The following GRIK2 variants were observed in gnomAD, a reference collection of about 807,000 sequenced individuals.
GRIK2 encodes the protein glutamate receptor ionotropic, kainate 2.
A neutral mutation model predicts 100.3 loss-of-function variants in GRIK2; 32 were observed. The observed-to-expected ratio is 0.32, with a 90% CI of 0.24 to 0.43. The LOEUF (loss-of-function observed/expected upper bound fraction) is 0.43, where lower values mean the gene tolerates loss of function less well. Among genes scored for constraint, GRIK2 ranks in the 20% least tolerant of loss-of-function variants. The pLI, the probability that GRIK2 is intolerant of heterozygous loss-of-function variation, is 1.00. For synonymous variants in GRIK2, 417 were observed against 389.4 expected (o/e 1.07, Z -0.83); for missense variants, 843 against 1,114.9 (o/e 0.76, Z 3.47).
chr6:101,875,918 T>C (rs1785799889), intron 11 of GRIK2, among the ~76,000 whole-genome samples: 1 of 151,916 alleles, frequency 6.6e-6, no homozygotes, highest in East Asian at 1.9e-4. Flanking sequence ...TTTGCTTTAC[T>C]TGCCATTTAT....
chr6:101,458,680 G>A lies in GRIK2; in HGVS notation c.115+59288G>A, dbSNP rs537697331. The stretch of plus-strand genomic sequence containing the variant: ...CCCAGTCCACCTCTGCTAGACAATC[G>A]TATCTGGTACTAGGACGGCAGCCTC... On this transcript the variant is annotated intron_variant, in intron 2 of 16. Transcript: ENST00000369134. Among the ~76,000 whole-genome samples the A allele has an allele frequency of 2.0e-5, 3 of 152,232 alleles. No individual in the cohort carries two copies. The South Asian group carries it at 6.2e-4, about 32-fold the overall frequency.
intron 7 of GRIK2, among the ~76,000 whole-genome samples, chr6:101,763,922 A>G (rs769665199): frequency 2.6e-5 from 4 of 152,128 alleles, no homozygotes; most frequent in Non-Finnish European, 4.4e-5. Flanking sequence ...GTTTGCACAA[A>G]TAAGTCTAAG....
At chr6:101,658,918 G>A (rs1347274969) in intron 4 of GRIK2, among the ~76,000 whole-genome samples, 1 of 152,052 alleles carries the variant, frequency 6.6e-6, no homozygotes, top group Non-Finnish European at 1.5e-5. Flanking sequence ...GTAGATTCTG[G>A]ATATTAGCCC....
chr6:101,741,087 C>A (rs1248410876), intron 7 of GRIK2, among the ~76,000 whole-genome samples: 1 of 152,128 alleles, frequency 6.6e-6, no homozygotes, highest in Non-Finnish European at 1.5e-5. Context: ...TTGAGGAGGA[C>A]AAGGTCAGGG....
chr6:102,015,635 C>G (rs1298474574), intron 14 of GRIK2, among the ~76,000 whole-genome samples: 1 of 152,180 alleles, frequency 6.6e-6, no homozygotes, highest in African/African-American at 2.4e-5. Flanking sequence ...CCCACAGCAG[C>G]TAAATGCATG....
intron 2 of GRIK2, among the ~76,000 whole-genome samples, chr6:101,464,557 G>GC (rs1771532387): frequency 8.4e-6 from 1 of 118,368 alleles, no homozygotes; most frequent in South Asian, 3.0e-4. Flanking sequence ...TCACTCTGTC[G>GC]CCAGGCTGGA....
At chr6:101,828,605 A>G (rs1025847895) in intron 10 of GRIK2, among the ~76,000 whole-genome samples, 3 of 152,024 alleles carry the variant, frequency 2.0e-5, no homozygotes, top group African/African-American at 7.2e-5. Context: ...AACTGATTCC[A>G]CAGAAATACA....
chr6:101,778,625 C>T lies in GRIK2; in HGVS notation c.952-21023C>T, dbSNP rs947788753. On this transcript the variant is annotated intron_variant, in intron 7 of 16. Transcript: ENST00000369134. ...AAGTCATTCCAAAAGAATGACTTCT[C>T]ACCAGAAGAAAAAAATAAACATTTT... is the stretch of plus-strand genomic sequence containing the variant. Among the ~76,000 whole-genome samples, 5 of 152,116 alleles carry T rather than the reference C, an allele frequency of 3.3e-5. No individual in the cohort carries two copies. The East Asian group carries it at 7.7e-4, about 23-fold the overall frequency.
intron 14 of GRIK2, among the ~76,000 whole-genome samples, chr6:102,023,664 C>A (rs1380130696): frequency 6.6e-6 from 1 of 151,510 alleles, no homozygotes; most frequent in Admixed American, 6.6e-5. Flanking sequence ...GAAAGAGATA[C>A]TAAGCTTTCT....
At chr6:101,616,373 A>G (rs1779896116) in intron 2 of GRIK2, among the ~76,000 whole-genome samples, 1 of 151,830 alleles carries the variant, frequency 6.6e-6, no homozygotes, top group Non-Finnish European at 1.5e-5. Flanking sequence ...TCAGAAAGTC[A>G]AAATTAATCA....
chr6:101,677,801 T>C (rs548488570), intron 5 of GRIK2, among the ~76,000 whole-genome samples: 393 of 152,288 alleles, frequency 2.6e-3, no homozygotes, highest in Admixed American at 4.5e-3. Context: ...TCCCGTTAAA[T>C]ATAACTGCCA....
At chr6:101,789,231 T>A (rs1281425417) in intron 7 of GRIK2, among the ~76,000 whole-genome samples, 6 of 152,226 alleles carry the variant, frequency 3.9e-5, no homozygotes, top group African/African-American at 1.4e-4. Context: ...TTTGTCAATT[T>A]TGGCTTTTGT....
chr6:101,530,938 T>C (rs1775410665), intron 2 of GRIK2, among the ~76,000 whole-genome samples: 2 of 151,972 alleles, frequency 1.3e-5, no homozygotes, highest in Non-Finnish European at 2.9e-5. Context: ...TAGCATTAGC[T>C]TAAATAAAGC....
intron 2 of GRIK2, among the ~76,000 whole-genome samples, chr6:101,594,647 A>T (rs1322913017): frequency 2.0e-5 from 3 of 151,816 alleles, no homozygotes; most frequent in Admixed American, 6.6e-5. Flanking sequence ...ATGAAGAACA[A>T]AACAAAATTG....
intron 15 of GRIK2, among the ~76,000 whole-genome samples, chr6:102,047,646 G>A (rs1014213690): frequency 1.3e-5 from 2 of 151,898 alleles, no homozygotes; most frequent in African/African-American, 4.8e-5. Flanking sequence ...CTACTCAGGA[G>A]GGTGAGGCAG....
At chr6:101,581,025 T>A (rs548417675) in intron 2 of GRIK2, among the ~76,000 whole-genome samples, 1 of 152,068 alleles carries the variant, frequency 6.6e-6, no homozygotes, top group Non-Finnish European at 1.5e-5. Flanking sequence ...TTTCCCCTGA[T>A]AGAATGTAAG....
intron 15 of GRIK2, among the ~76,000 whole-genome samples, chr6:102,054,496 A>G (rs1468867097): frequency 6.6e-6 from 1 of 152,136 alleles, no homozygotes. Flanking sequence ...ACAGATATAG[A>G]AAAATGCATG....
At chr6:102,065,958 T>TCAAC in intron 16 of GRIK2, 1 of 1,235,302 alleles carries the variant, frequency 8.1e-7, no homozygotes. Context: ...AAACACTGTT[T>TCAAC]CCATATACTG....
intron 7 of GRIK2, among the ~76,000 whole-genome samples, chr6:101,696,892 C>A (rs1244928490): frequency 1.3e-5 from 2 of 151,838 alleles, no homozygotes; most frequent in African/African-American, 4.8e-5. Context: ...AGATTTTTTG[C>A]TTCATTTTTA....
Sources: gnomAD v4.1 joint callset for allele counts (sites outside exome capture counted in the v4.1 genomes callset) on GRCh38, gnomAD v4.1.1 for gene constraint, MANE v1.5 for transcripts, NCBI Gene and HGNC (gene_info 2026-07-23, HGNC 2026-07-21) for gene names.